Variants in CDX4 observed in about 807,000 individuals in gnomAD.
CDX4 encodes caudal type homeobox 4.
A neutral mutation model predicts 14.1 loss-of-function variants in CDX4; 11 were observed. That is an observed-to-expected ratio of 0.78 (90% CI 0.49 to 1.29). The LOEUF (loss-of-function observed/expected upper bound fraction) is 1.29, where lower values mean the gene tolerates loss of function less well. CDX4 is among the 50% of genes most tolerant of loss of function. The probability of loss-of-function intolerance (pLI) is 0.00; values close to 1 mark genes in which losing one functional copy is unlikely to be tolerated. For missense variants in CDX4, 257 were observed against 237.4 expected (o/e 1.08, Z -0.54); for synonymous variants, 100 against 93.5 (o/e 1.07, Z -0.40).
rs2057073140 is a variant in CDX4 at position 73,447,318 on chromosome X, G to A, written c.65G>A (p.Gly22Glu). The change falls in exon 1 of 3, where the codon GGG becomes GAG. Residue 22 changes from glycine (G) to glutamate (E), a missense_variant. Physicochemically the swap from Gly to Glu is moderately conservative, Grantham distance 98 (BLOSUM62 -2). Transcript: ENST00000373514. ...GMYPGTLMSP[G>E]GDGTAGTGGT... ...TACCCGGGCACTCTCATGAGCCCTGGGGGCGACGGCACAGCTGGGACAGGC... is the reference window on the plus strand; with the variant it reads ...TACCCGGGCACTCTCATGAGCCCTGAGGGCGACGGCACAGCTGGGACAGGC... 8.3e-7 allele frequency: 1 copy of A among 1,211,424 alleles called. No homozygotes were observed. The highest frequency in any genetic ancestry group is 1.7e-5 in the African/African-American group (1 of 57,792).
rs1342352708 is a variant in CDX4, at chrX:73,453,766, TTGC to T, written c.648+105_648+107del. 3 of 676,992 alleles carry T rather than the reference TTGC, an allele frequency of 4.4e-6. No individual in the cohort carries two copies. In the African/African-American group the frequency reaches 7.0e-5, roughly 16 times the overall value. 55.8% of individuals were successfully genotyped at this position (676,992 alleles called of 1,213,427 possible). ...AATGCATTGCCTTATCCCAAGTAGC[TTGC>T]ATTTCAACCACGTGTGAAGGCACAT... On this transcript the variant is annotated intron_variant, in intron 2 of 2. Transcript: ENST00000373514.
chrX:73,451,245 C>A (rs1366274543), intron 1 of CDX4, among the ~76,000 whole-genome samples: 1 of 111,369 alleles, frequency 9.0e-6, no homozygotes, highest in Non-Finnish European at 1.9e-5. Context: ...ATGTCCAAAT[C>A]CCCTTCATCA....
chrX:73,447,371 C>A lies in CDX4; in HGVS notation c.118C>A (p.Pro40Thr), dbSNP rs774580628. The change falls in exon 1 of 3, where the codon CCA (proline) becomes ACA (threonine). Residue 40 changes from proline (P) to threonine (T), a missense_variant. By Grantham distance (38) the Pro-to-Thr change is conservative. Coordinates refer to ENST00000373514, the MANE Select transcript of CDX4 (RefSeq NM_005193.2). ...GGTGGGGSPM[P>T]ASNFAAAPAF... ...CACAGGGGGCGGTGGGAGTCCGATG[C>A]CAGCCTCCAATTTCGCTGCGGCACC... is the stretch of plus-strand genomic sequence containing the variant. The A allele has an allele frequency of 5.9e-5, 71 of 1,208,619 alleles. No homozygotes were observed. The highest frequency in any genetic ancestry group is 1.1e-4 in the Admixed American group (5 of 45,683).
At chrX:73,448,600 C>G (rs73227752) in intron 1 of CDX4, among the ~76,000 whole-genome samples, 2 of 112,090 alleles carry the variant, frequency 1.8e-5, no homozygotes, top group African/African-American at 6.5e-5. Context: ...TGCGGCAGCG[C>G]GAGAGAAGTC....
At chrX:73,451,710 A>G (rs906007828) in intron 1 of CDX4, among the ~76,000 whole-genome samples, 1 of 112,108 alleles carries the variant, frequency 8.9e-6, no homozygotes, top group African/African-American at 3.2e-5. Context: ...AGAGCATAAA[A>G]CATGGATAAA....
In CDX4 at chrX:73,447,092, T is replaced by C. The variant is rs2057072199; in HGVS notation, c.-162T>C. ...TATACAGGGCTGCTAGTCACCTGGA[T>C]ACCCTCGTAAGAAACGTGGGATGGA... On this transcript the variant is annotated 5_prime_UTR_variant, in exon 1 of 3. Coordinates refer to ENST00000373514, the MANE Select transcript of CDX4 (RefSeq NM_005193.2). Among the ~76,000 whole-genome samples the C allele has an allele frequency of 9.0e-6, 1 of 111,308 alleles. No homozygotes were observed. Among genetic ancestry groups the C allele is most frequent in the Non-Finnish European group, 1.9e-5 (1 of 53,019 alleles).
At chrX:73,452,012 T>C (rs1276233452) in intron 1 of CDX4, among the ~76,000 whole-genome samples, 3 of 111,545 alleles carry the variant, frequency 2.7e-5, no homozygotes, top group African/African-American at 9.7e-5. Flanking sequence ...GACCGCATAG[T>C]TTTCCTTTTC....
intron 1 of CDX4, among the ~76,000 whole-genome samples, chrX:73,452,035 A>G (rs748337070): frequency 9.0e-6 from 1 of 111,165 alleles, no homozygotes; most frequent in African/African-American, 3.3e-5. Context: ...AGAGCGGGAA[A>G]AGGAGATTTT....
chrX:73,447,995 G>A (rs1446590752), intron 1 of CDX4, among the ~76,000 whole-genome samples: 3 of 112,145 alleles, frequency 2.7e-5, no homozygotes, highest in African/African-American at 9.7e-5. Context: ...GCCTTTCGCT[G>A]CTCCATGAAG....
At chrX:73,449,322 T>C (rs191290884) in intron 1 of CDX4, among the ~76,000 whole-genome samples, 85 of 111,950 alleles carry the variant, frequency 7.6e-4, no homozygotes, top group Middle Eastern at 9.2e-3. Context: ...AGAGAGGAAA[T>C]GGATGAGATA....
intron 1 of CDX4, among the ~76,000 whole-genome samples, chrX:73,450,706 G>A (rs773284266): frequency 5.4e-5 from 6 of 111,748 alleles, no homozygotes; most frequent in Non-Finnish European, 1.1e-4. Context: ...GAATTTGGAT[G>A]CAATTTTTAG....
In CDX4 at chrX:73,454,822, G is replaced by T. The variant is rs968134810; in HGVS notation, c.*237G>T. On this transcript the variant is annotated 3_prime_UTR_variant, in exon 3 of 3. Coordinates refer to ENST00000373514, the MANE Select transcript of CDX4 (RefSeq NM_005193.2). ...GTCACTCAGGAATCTTAGTGGTAAGGTATATAATTAAAAGCTAGAATCACA... is the reference window on the plus strand; with the variant it reads ...GTCACTCAGGAATCTTAGTGGTAAGTTATATAATTAAAAGCTAGAATCACA... The T allele has an allele frequency of 9.0e-6, 3 of 334,340 alleles. No homozygotes were observed. Among genetic ancestry groups the T allele is most frequent in the Admixed American group, 1.1e-4 (2 of 18,489 alleles). 27.6% of individuals were successfully genotyped at this position (334,340 alleles called of 1,213,427 possible).
At position 73,455,070 on chromosome X, in the gene CDX4, TATA is replaced by T. The variant is rs1428332248; in HGVS notation, c.*490_*492del. 8.9e-6 allele frequency: 1 copy of T among 112,580 alleles called. No homozygotes were observed. The highest frequency in any genetic ancestry group is 2.8e-4 in the East Asian group (1 of 3,586). The allele number at this position is 112,580 out of a possible 1,213,427, so 9.3% of individuals were successfully genotyped here. ...TTAATTCAAAAGCTAACAGAATTTT[TATA>T]ATAAGATAAATGTTTTAAAAATCAT... On this transcript the variant is annotated 3_prime_UTR_variant, in exon 3 of 3. Transcript: ENST00000373514.
At chrX:73,453,289 G>A (rs1010666002) in intron 1 of CDX4, among the ~76,000 whole-genome samples, 1 of 111,320 alleles carries the variant, frequency 9.0e-6, no homozygotes, top group Non-Finnish European at 1.9e-5. Context: ...TAGATATAGA[G>A]ATATATGTCT....
rs753208549 is a variant in CDX4, at chrX:73,454,640, T to C, written c.*55T>C. The C allele has an allele frequency of 6.2e-5, 55 of 893,988 alleles. No individual in the cohort carries two copies. The African/African-American group carries it at 8.1e-4, about 13-fold the overall frequency. 73.7% of individuals were successfully genotyped at this position (893,988 alleles called of 1,213,427 possible). ...TTTTTTTAGTGATGTCTTTTGGGTC[T>C]CTAAGCTATCTACAGGGGAGTTGGA... On this transcript the variant is annotated 3_prime_UTR_variant, in exon 3 of 3. Coordinates refer to ENST00000373514, the MANE Select transcript of CDX4 (RefSeq NM_005193.2).
intron 1 of CDX4, among the ~76,000 whole-genome samples, chrX:73,450,783 C>G (rs2057084564): frequency 9.0e-6 from 1 of 111,430 alleles, no homozygotes. Context: ...GACAGTACTC[C>G]CTACATAAGA....
Position 73,447,724 on chromosome X carries a change from T to A in CDX4, c.471T>A (p.Tyr157Ter), listed in dbSNP as rs759350426. The A allele has an allele frequency of 1.7e-6, 2 of 1,188,787 alleles. No individual in the cohort carries two copies. Among genetic ancestry groups the A allele is most frequent in the Non-Finnish European group, 2.3e-6 (2 of 887,063 alleles). The change falls in exon 1 of 3, where the codon TAT becomes TAA. Residue 157 changes from tyrosine to a stop codon, truncating the protein, a stop_gained. Transcript: ENST00000373514. LOFTEE classifies it high-confidence loss of function. ...CCAGCAGGAGCCGCCACAGCCCCTA[T>A]GCATGGATGCGCAAGACGGTGCAGG... The part of the protein sequence containing the change: ...SSPSRSRHSP[Y>*]AWMRKTVQVT...
At position 73,453,501 on chromosome X, in the gene CDX4, C is replaced by A. The variant is rs776312278; in HGVS notation, c.503-16C>A. On this transcript the variant is annotated splice_polypyrimidine_tract_variant and intron_variant, in intron 1 of 2. Coordinates refer to ENST00000373514, the MANE Select transcript of CDX4 (RefSeq NM_005193.2). ...AAGCAGAAAAAGATTAAATGCAATG[C>A]TTTCTCTCCTAACAGGGAAAACCAG... The A allele has an allele frequency of 5.9e-6, 7 of 1,182,681 alleles. No individual in the cohort carries two copies. The highest frequency in any genetic ancestry group is 6.8e-6 in the Non-Finnish European group (6 of 880,735).
chrX:73,453,559 A>T lies in CDX4; in HGVS notation c.545A>T (p.Asp182Val), dbSNP rs762912423. The T allele has an allele frequency of 4.2e-6, 5 of 1,201,726 alleles. No individual in the cohort carries two copies. Among genetic ancestry groups the T allele is most frequent in the Non-Finnish European group, 5.6e-6 (5 of 888,850 alleles). ...GAAAAGTATCGTGTAGTTTACACTG[A>T]TCATCAAAGATTGGAGCTGGAAAAG... is the stretch of plus-strand genomic sequence containing the variant. ...TKEKYRVVYT[D>V]HQRLELEKEF... Residue 182 changes from aspartate (D) to valine (V), a missense_variant, in exon 2 of 3, where the codon GAT becomes GTT. Transcript: ENST00000373514.
Sources: gnomAD v4.1 joint callset for allele counts (sites outside exome capture counted in the v4.1 genomes callset) on GRCh38, gnomAD v4.1.1 for gene constraint, MANE v1.5 for transcripts, NCBI Gene and HGNC (gene_info 2026-07-23, HGNC 2026-07-21) for gene names.